CSMD1: variants seen among roughly 807,000 people sequenced by gnomAD.
The protein encoded by CSMD1 is CUB and sushi domain-containing protein 1.
A neutral mutation model predicts 417.5 loss-of-function variants in CSMD1; 213 were observed. The ratio of observed to expected loss-of-function variants is 0.51; its 90% CI spans 0.46 to 0.57. CSMD1 has a LOEUF of 0.57. Ranked by LOEUF, CSMD1 falls within the 20% of genes least tolerant of loss-of-function variation. The pLI is 0.00. For missense variants in CSMD1, 6,923 were observed against 4,529.7 expected, an observed-to-expected ratio of 1.53 and a Z score of -15.17; for synonymous variants, 2,862 against 1,736.8, an observed-to-expected ratio of 1.65 and a Z score of -16.11.
At chr8:3,141,469 G>A (rs1002757022) in intron 41 of CSMD1, among the ~76,000 whole-genome samples, 36 of 152,148 alleles carry the variant, frequency 2.4e-4, no homozygotes, top group African/African-American at 7.5e-4. Flanking sequence ...GGACCAGTCT[G>A]TCTTTGCAGG....
At chr8:3,329,512 T>C (rs1249962907) in intron 23 of CSMD1, among the ~76,000 whole-genome samples, 1 of 152,138 alleles carries the variant, frequency 6.6e-6, no homozygotes, top group East Asian at 1.9e-4. Context: ...CTAGTTAACA[T>C]CTTTTCCCCA....
At chr8:3,368,161 C>A (rs1358623936) in intron 19 of CSMD1, among the ~76,000 whole-genome samples, 1 of 152,024 alleles carries the variant, frequency 6.6e-6, no homozygotes, top group Non-Finnish European at 1.5e-5. Flanking sequence ...TAATCTGTGT[C>A]TTCTTTATGC....
intron 1 of CSMD1, among the ~76,000 whole-genome samples, chr8:4,876,455 C>A (rs201380761): frequency 1.3e-5 from 2 of 152,004 alleles, no homozygotes; most frequent in Non-Finnish European, 2.9e-5. Context: ...ATACTAAGAA[C>A]AATTTTAAAA....
intron 3 of CSMD1, among the ~76,000 whole-genome samples, chr8:4,176,221 T>C (rs1203113330): frequency 6.6e-6 from 1 of 152,074 alleles, no homozygotes; most frequent in Non-Finnish European, 1.5e-5. Flanking sequence ...CTCTGTAGGC[T>C]ATATAGCTTA....
At chr8:4,879,242 T>A (rs2116947804) in intron 1 of CSMD1, among the ~76,000 whole-genome samples, 1 of 151,892 alleles carries the variant, frequency 6.6e-6, no homozygotes, top group African/African-American at 2.4e-5. Flanking sequence ...GGACATCAAC[T>A]CGAGGAAAGG....
chr8:4,216,030 C>G lies in CSMD1; in HGVS notation c.416-183931G>C, dbSNP rs141889986. On this transcript the variant is annotated intron_variant, in intron 3 of 69. Transcript: ENST00000635120. The stretch of plus-strand genomic sequence containing the variant: ...CACAAATAGCCAGTCCTCTAACTTC[C>G]TGACAGCTGCACACCCACGCCAGCC... Among the ~76,000 whole-genome samples the G allele has an allele frequency of 2.0e-4, 31 of 152,288 alleles. No homozygotes were observed. The East Asian group carries it at 5.6e-3, about 28-fold the overall frequency.
intron 3 of CSMD1, among the ~76,000 whole-genome samples, chr8:4,278,449 A>G (rs934146955): frequency 1.3e-5 from 2 of 152,212 alleles, no homozygotes; most frequent in African/African-American, 4.8e-5. Flanking sequence ...CTATAGCTAT[A>G]TAAAATATAA....
At chr8:3,195,832 G>A (rs930123269) in intron 33 of CSMD1, among the ~76,000 whole-genome samples, 1 of 152,148 alleles carries the variant, frequency 6.6e-6, no homozygotes, top group Admixed American at 6.5e-5. Context: ...TATCTCCCAC[G>A]TCTTCAAGAA....
chr8:3,108,665 T>C lies in CSMD1; in HGVS notation c.6692A>G (p.Gln2231Arg). The change falls in exon 44 of 70, where the codon CAA (glutamine) becomes CGA (arginine). Residue 2231 changes from glutamine to arginine, a missense_variant. Coordinates refer to ENST00000635120, the MANE Select transcript of CSMD1 (RefSeq NM_033225.6). ...ALETAYSSTN[Q>R]VLLKFHSDFS... ...GTCGCTGTGGAACTTGAGCAGGACT[T>C]GGTTGGTGGAGCTATACGCCGTTTC... 1 of 1,613,706 alleles carries C rather than the reference T, an allele frequency of 6.2e-7. No homozygotes were observed. Among genetic ancestry groups the C allele is most frequent in the Non-Finnish European group, 8.5e-7 (1 of 1,179,818 alleles).
chr8:4,915,678 C>A (rs1343528647), intron 1 of CSMD1, among the ~76,000 whole-genome samples: 2 of 152,138 alleles, frequency 1.3e-5, no homozygotes, highest in Non-Finnish European at 2.9e-5. Flanking sequence ...TAGCGCCCGG[C>A]GGCAGTGGAT....
chr8:4,150,965 C>G (rs889193737), intron 3 of CSMD1, among the ~76,000 whole-genome samples: 2 of 152,162 alleles, frequency 1.3e-5, no homozygotes, highest in African/African-American at 2.4e-5. Flanking sequence ...CAGTAAAAGT[C>G]TTCCAGATAC....
At chr8:4,719,575 T>G (rs1676969) in intron 1 of CSMD1, among the ~76,000 whole-genome samples, 43,451 of 151,028 alleles carry the variant, frequency 0.29, 7,403 homozygotes, top group African/African-American at 0.47. Flanking sequence ...ATTGCATCCT[T>G]TCTAAGATAG....
intron 6 of CSMD1, among the ~76,000 whole-genome samples, chr8:3,724,391 T>G (rs1802370632): frequency 6.6e-6 from 1 of 152,210 alleles, no homozygotes; most frequent in East Asian, 1.9e-4. Context: ...TATATGTTAA[T>G]TTCTAAAGGA....
intron 5 of CSMD1, among the ~76,000 whole-genome samples, chr8:3,953,988 G>A (rs896595699): frequency 2.0e-5 from 3 of 152,194 alleles, no homozygotes; most frequent in African/African-American, 7.2e-5. Flanking sequence ...TCCTTCCTCT[G>A]GTGGTGATGC....
intron 3 of CSMD1, among the ~76,000 whole-genome samples, chr8:4,328,448 G>T (rs1049720333): frequency 2.6e-5 from 4 of 151,612 alleles, no homozygotes; most frequent in Non-Finnish European, 2.9e-5. Flanking sequence ...AATTTCGGTT[G>T]TCACACATAA....
chr8:4,519,205 G>A (rs968342918), intron 2 of CSMD1, among the ~76,000 whole-genome samples: 1 of 152,106 alleles, frequency 6.6e-6, no homozygotes, highest in South Asian at 2.1e-4. Context: ...CTAGATCTTT[G>A]AAGAACAGGA....
chr8:4,266,649 T>C (rs1460973283), intron 3 of CSMD1, among the ~76,000 whole-genome samples: 1 of 105,072 alleles, frequency 9.5e-6, no homozygotes, highest in African/African-American at 2.6e-5. Context: ...TTATTTGTCA[T>C]CTATGAACAT....
At chr8:4,106,084 A>G (rs559272359) in intron 3 of CSMD1, among the ~76,000 whole-genome samples, 1 of 152,326 alleles carries the variant, frequency 6.6e-6, no homozygotes, top group South Asian at 2.1e-4. Flanking sequence ...AGCTATGTAG[A>G]GTCTCTGAGG....
At chr8:4,381,007 C>G (rs940489543) in intron 3 of CSMD1, among the ~76,000 whole-genome samples, 1 of 152,134 alleles carries the variant, frequency 6.6e-6, no homozygotes, top group African/African-American at 2.4e-5. Context: ...ACTGCCAGAA[C>G]TCATTTCTCA....
Sources: gnomAD v4.1 joint callset for allele counts (sites outside exome capture counted in the v4.1 genomes callset) on GRCh38, gnomAD v4.1.1 for gene constraint, MANE v1.5 for transcripts, NCBI Gene and HGNC (gene_info 2026-07-23, HGNC 2026-07-21) for gene names.